The following IQSEC1 variants were observed in gnomAD, a reference collection of about 807,000 sequenced individuals.
The protein encoded by IQSEC1 is IQ motif and SEC7 domain-containing protein 1.
IQSEC1 carries 31 observed loss-of-function variants against 91.0 expected under a neutral mutation model. The ratio of observed to expected loss-of-function variants is 0.34; its 90% CI spans 0.26 to 0.46. The LOEUF (loss-of-function observed/expected upper bound fraction) is 0.46. IQSEC1 is among the 20% of genes least tolerant of loss of function. The pLI is 1.00. For synonymous variants in IQSEC1, 699 were observed against 662.6 expected (o/e 1.05, Z -0.84); for missense variants, 1,388 against 1,575.6 (o/e 0.88, Z 2.02).
rs1460510207 is a variant in IQSEC1, at chr3:12,908,201, G to A, written c.2755+148C>T. 1.8e-5 allele frequency: 14 copies of A among 771,324 alleles called. No individual in the cohort carries two copies. The East Asian group carries it at 2.2e-4, about 12-fold the overall frequency. The allele number at this position is 771,324 out of a possible 1,614,324, so 47.8% of individuals were successfully genotyped here. A position where few individuals can be genotyped will look rare whatever the true frequency, so the allele number is the denominator to read the frequency against. On this transcript the variant is annotated intron_variant, in intron 12 of 13. Coordinates refer to ENST00000613206, the MANE Select transcript of IQSEC1 (RefSeq NM_001134382.3). This position sits in a 1 kb window ranked among gnomAD's most constrained non-coding sequence, Gnocchi z 4.9. ...GGGGCGCCCTTTCTGTATGTCACAC[G>A]CTGCTCTGCTTTGCGGAAGGTCAGG...
intron 1 of IQSEC1, among the ~76,000 whole-genome samples, chr3:13,165,743 G>A (rs546000424): frequency 5.9e-5 from 9 of 151,934 alleles, no homozygotes; most frequent in South Asian, 2.1e-4. Context: ...TCCACCCCTC[G>A]CTGCTGCAGC....
Position 13,211,738 on chromosome 3 carries a change from T to G in IQSEC1, c.273-47605A>C, listed in dbSNP as rs553479955. On this transcript the variant is annotated intron_variant, in intron 1 of 15. Transcript: ENST00000648114. This position sits in a 1 kb window ranked among gnomAD's most constrained non-coding sequence, Gnocchi z 5.3. Reference sequence around the variant, plus strand: ...TCTAGGTGCCCAGCCTCCAGGCCTTTGCCCTGGAACTTCCCTCTTCCTGGA... The same window carrying G: ...TCTAGGTGCCCAGCCTCCAGGCCTTGGCCCTGGAACTTCCCTCTTCCTGGA... 6.6e-6 allele frequency among the ~76,000 whole-genome samples: 1 copy of G among 152,108 alleles called. No homozygotes were observed. The highest frequency in any genetic ancestry group is 1.9e-4 in the East Asian group (1 of 5,160).
At chr3:13,152,899 G>GA (rs942583424) in intron 2 of IQSEC1, among the ~76,000 whole-genome samples, 5 of 151,532 alleles carry the variant, frequency 3.3e-5, no homozygotes, top group African/African-American at 1.2e-4. Flanking sequence ...ACAACCAAAT[G>GA]AAAAAAAAGT....
At chr3:13,161,181 T>C (rs540126731) in intron 2 of IQSEC1, among the ~76,000 whole-genome samples, 11 of 151,668 alleles carry the variant, frequency 7.3e-5, no homozygotes, top group African/African-American at 2.4e-4. Flanking sequence ...CATCATTTGG[T>C]GGGAGCTGGA....
intron 1 of IQSEC1, among the ~76,000 whole-genome samples, chr3:12,958,925 T>C (rs1402276099): frequency 6.6e-6 from 1 of 152,016 alleles, no homozygotes; most frequent in African/African-American, 2.4e-5. Context: ...CAAAGGTGAG[T>C]AAAGGTGACG....
At chr3:13,156,064 CAAAAA>C (rs34638350) in intron 2 of IQSEC1, among the ~76,000 whole-genome samples, 1 of 129,882 alleles carries the variant, frequency 7.7e-6, no homozygotes. Context: ...ACTAAAAATA[CAAAAA>C]AAAAAAAAAA....
intron 1 of IQSEC1, among the ~76,000 whole-genome samples, chr3:13,246,599 T>C (rs1197282747): frequency 6.6e-6 from 1 of 152,122 alleles, no homozygotes; most frequent in East Asian, 1.9e-4. Context: ...AATATAAACA[T>C]GGAAAGACTG....
intron 1 of IQSEC1, among the ~76,000 whole-genome samples, chr3:13,208,348 C>T (rs565344339): frequency 6.6e-6 from 1 of 152,106 alleles, no homozygotes; most frequent in Admixed American, 6.5e-5. Context: ...AGGCCACCAG[C>T]GTCTTCTCCA....
chr3:13,219,013 C>T (rs1014571173), intron 1 of IQSEC1, among the ~76,000 whole-genome samples: 2 of 152,190 alleles, frequency 1.3e-5, no homozygotes, highest in African/African-American at 4.8e-5. Flanking sequence ...CCACAGCCAC[C>T]CTGGTCCAGG....
At chr3:13,028,613 A>C (rs380499) in intron 1 of IQSEC1, among the ~76,000 whole-genome samples, 120,570 of 152,174 alleles carry the variant, frequency 0.79, 48,093 homozygotes, top group East Asian at 0.99. Context: ...CCCCAGATGG[A>C]AGGACTCACA....
intron 2 of IQSEC1, among the ~76,000 whole-genome samples, chr3:13,092,029 T>C (rs4630925): frequency 0.96 from 145,317 of 152,088 alleles, 69,486 homozygotes; most frequent in East Asian, 1. Flanking sequence ...CTGTGCATGG[T>C]CGAGGCCAGG....
At chr3:13,194,231 G>T (rs551911848) in intron 1 of IQSEC1, among the ~76,000 whole-genome samples, 5 of 152,150 alleles carry the variant, frequency 3.3e-5, no homozygotes, top group Non-Finnish European at 1.5e-5. Context: ...TAACTCAGCC[G>T]GGAGCAGTTG....
chr3:13,203,957 C>A (rs746940267), intron 1 of IQSEC1, among the ~76,000 whole-genome samples: 12 of 152,250 alleles, frequency 7.9e-5, no homozygotes, highest in Non-Finnish European at 1.5e-4. Context: ...GGCTTTCCTG[C>A]CCTAGGCCCC....
Position 12,909,134 on chromosome 3 carries a change from C to G in IQSEC1, c.2578+139G>C. ...AGCCTGGGAACACAGACTGCCCCAT[C>G]ATGTGGCCATAGGGAAGGCCAGAAA... On this transcript the variant is annotated intron_variant, in intron 11 of 13. Transcript: ENST00000613206. The surrounding 1 kb of genome is among the most constrained non-coding windows in gnomAD (Gnocchi z 4.9). The G allele has an allele frequency of 1.2e-6, 1 of 867,812 alleles. No individual in the cohort carries two copies. Among genetic ancestry groups the G allele is most frequent in the African/African-American group, 1.7e-5 (1 of 59,826 alleles). The allele number at this position is 867,812 out of a possible 1,614,324, so 53.8% of individuals were successfully genotyped here.
intron 2 of IQSEC1, among the ~76,000 whole-genome samples, chr3:13,085,612 C>A (rs1405491685): frequency 6.6e-6 from 1 of 152,206 alleles, no homozygotes; most frequent in African/African-American, 2.4e-5. Context: ...CCACGGTTGA[C>A]AACAGCTCCC....
intron 1 of IQSEC1, among the ~76,000 whole-genome samples, chr3:13,023,814 C>T (rs941165271): frequency 6.6e-6 from 1 of 152,216 alleles, no homozygotes; most frequent in African/African-American, 2.4e-5. Flanking sequence ...AATTCTTCTC[C>T]CTGTCATCAG....
At position 12,936,315 on chromosome 3, in the gene IQSEC1, T is replaced by G; in HGVS notation, c.701A>C (p.Lys234Thr). The G allele has an allele frequency of 6.2e-7, 1 of 1,611,936 alleles. No individual in the cohort carries two copies. ...ATCGTCGATGGACTCGGCCAGTGAT[T>G]TCACTTGCCTAGAGAAGGCGTCCTC... The part of the protein sequence containing the change: ...ELEDAFSRQV[K>T]SLAESIDDAL... The change falls in exon 3 of 14, where the codon AAA becomes ACA. Residue 234 changes from lysine (K) to threonine (T), a missense_variant. Coordinates refer to ENST00000613206, the MANE Select transcript of IQSEC1 (RefSeq NM_001134382.3).
chr3:13,111,739 C>T (rs1037214033), intron 2 of IQSEC1, among the ~76,000 whole-genome samples: 8 of 152,202 alleles, frequency 5.3e-5, no homozygotes, highest in Non-Finnish European at 8.8e-5. Context: ...ACTTCCCTCT[C>T]TCTGCCATGT....
chr3:13,196,987 C>T (rs951335997), intron 1 of IQSEC1, among the ~76,000 whole-genome samples: 6 of 151,898 alleles, frequency 4.0e-5, no homozygotes, highest in African/African-American at 1.2e-4. Context: ...AGGCAGGATG[C>T]GTAGGGAGAG....
Sources: gnomAD v4.1 joint callset for allele counts (sites outside exome capture counted in the v4.1 genomes callset) on GRCh38, gnomAD v4.1.1 for gene constraint, Gnocchi (gnomAD v3.1) non-coding constraint, MANE v1.5 for transcripts, NCBI Gene and HGNC (gene_info 2026-07-23, HGNC 2026-07-21) for gene names.